Variants in AGAP3 observed in about 807,000 individuals in gnomAD.
AGAP3 encodes ArfGAP with GTPase domain, ankyrin repeat and PH domain 3.
AGAP3 carries 24 observed loss-of-function variants against 96.9 expected under a neutral mutation model. The ratio of observed to expected loss-of-function variants is 0.25; its 90% confidence interval spans 0.18 to 0.35. AGAP3 has a LOEUF of 0.35. AGAP3 is among the 10% of genes least tolerant of loss of function. AGAP3 has a pLI of 1.00. For missense variants in AGAP3, 876 were observed against 1,254.2 expected (o/e 0.70, Z 4.55); for synonymous variants, 563 against 536.1 (o/e 1.05, Z -0.69).
chr7:151,086,480 T>C lies in AGAP3; in HGVS notation c.-262T>C, dbSNP rs1363494050. ...CGCGCGCTCCCGGTCCCGTTGTTGTTGCCGCTGGAGGCTGCTCCGAGGCAG... is the reference window on the plus strand; with the variant it reads ...CGCGCGCTCCCGGTCCCGTTGTTGTCGCCGCTGGAGGCTGCTCCGAGGCAG... On this transcript the variant is annotated 5_prime_UTR_variant, in exon 1 of 18. Transcript: ENST00000397238. Among the ~76,000 whole-genome samples, 2 of 147,510 alleles carry C rather than the reference T, an allele frequency of 1.4e-5. No homozygotes were observed. Among genetic ancestry groups the C allele is most frequent in the Non-Finnish European group, 3.0e-5 (2 of 66,156 alleles).
intron 4 of AGAP3, 29 bp downstream of exon 4, chr7:151,117,485 A>G (rs539634505): frequency 6.2e-7 from 1 of 1,613,858 alleles, no homozygotes; most frequent in African/African-American, 1.3e-5. Context: ...GTTAGGGCCC[A>G]CCGCTGTGCC....
intron 1 of AGAP3, among the ~76,000 whole-genome samples, chr7:151,113,030 G>A (rs749761469): frequency 2.6e-5 from 4 of 152,270 alleles, no homozygotes; most frequent in Middle Eastern, 3.4e-3. Context: ...CACCGCGCCC[G>A]ACCCTTTGCT....
intron 1 of AGAP3, among the ~76,000 whole-genome samples, chr7:151,112,704 T>C (rs1056369011): frequency 6.6e-6 from 1 of 151,994 alleles, no homozygotes; most frequent in African/African-American, 2.4e-5. Context: ...GCTCAAGCGA[T>C]CCTCCCACGT....
chr7:151,137,165 C>T (rs1164424983), intron 11 of AGAP3, among the ~76,000 whole-genome samples: 1 of 152,266 alleles, frequency 6.6e-6, no homozygotes, highest in Non-Finnish European at 1.5e-5. Flanking sequence ...CGCAGGCTTC[C>T]CCTCAGTCCC....
intron 8 of AGAP3, 142 bp from the exon 9 acceptor site, chr7:151,123,652 C>G: frequency 6.7e-7 from 1 of 1,503,392 alleles, no homozygotes; most frequent in Non-Finnish European, 8.9e-7. Flanking sequence ...GGTCTCAGTT[C>G]CTTCCCGTCC....
chr7:151,096,680 G>A lies in AGAP3; in HGVS notation c.331+9608G>A, dbSNP rs1044208421. Among the ~76,000 whole-genome samples the A allele has an allele frequency of 6.6e-6, 1 of 152,056 alleles. No individual in the cohort carries two copies. The highest frequency in any genetic ancestry group is 2.4e-5 in the African/African-American group (1 of 41,408). ...GTAGAGACGAGGTTTCACCGCGTTAGCCAAGGTAGTCTCGATCTCCTGACC... is the reference window on the plus strand; with the variant it reads ...GTAGAGACGAGGTTTCACCGCGTTAACCAAGGTAGTCTCGATCTCCTGACC... On this transcript the variant is annotated intron_variant, in intron 1 of 17. Transcript: ENST00000397238. This position sits in a 1 kb window ranked among gnomAD's most constrained non-coding sequence, Gnocchi z 4.4.
In AGAP3 at chr7:151,142,049, C is replaced by T; in HGVS notation, c.1956C>T (p.Asp652=). The change falls in exon 14 of 18, where the codon GAC becomes GAT. Residue 652 remains aspartate (D), a synonymous_variant. Transcript: ENST00000397238. The surrounding 1 kb of genome is among the most constrained non-coding windows in gnomAD (Gnocchi z 7.5). ...TGCAAGGCTGCCGCAGTGCCAAGGA[C>T]AAGGTGGGTACAGAGTGACTGGGCC... The part of the protein sequence containing the change: ...ASLQGCRSAK[D]KTRLGNQNAA... The T allele has an allele frequency of 1.9e-6, 3 of 1,613,314 alleles. No homozygotes were observed.
In AGAP3 at chr7:151,142,721, G is replaced by A; in HGVS notation, c.2273+87G>A. The A allele has an allele frequency of 2.2e-6, 3 of 1,390,132 alleles. No homozygotes were observed. In the South Asian group the frequency reaches 3.8e-5, roughly 18 times the overall value. 86.1% of individuals were successfully genotyped at this position (1,390,132 alleles called of 1,614,324 possible). On this transcript the variant is annotated intron_variant, in intron 16 of 17. Transcript: ENST00000397238. The surrounding 1 kb of genome is among the most constrained non-coding windows in gnomAD (Gnocchi z 7.5). ...GGGGAAGATTGGAGTGGCTGTGATG[G>A]TATTAGAAGGGTTAAAACTGTCTGT...
rs1449741510 is a variant in AGAP3 at position 151,114,806 on chromosome 7, CG to C, written c.332-1983del. The C allele has an allele frequency of 2.8e-6, 3 of 1,055,712 alleles. No homozygotes were observed. The highest frequency in any genetic ancestry group is 2.3e-6 in the Non-Finnish European group (2 of 876,752). The allele number at this position is 1,055,712 out of a possible 1,614,324, so 65.4% of individuals were successfully genotyped here. A position where few individuals can be genotyped will look rare whatever the true frequency, so the allele number is the denominator to read the frequency against. On this transcript the variant is annotated intron_variant, in intron 1 of 17. Coordinates refer to ENST00000397238, the MANE Select transcript of AGAP3 (RefSeq NM_031946.7). This position sits in a 1 kb window ranked among gnomAD's most constrained non-coding sequence, Gnocchi z 4.4. ...GCTGGCCGCAGGGGGACAGCTGTCC[CG>C]GGGAGCGGCCCGCCGCTTGCCGCCG...
At chr7:151,124,196 G>C (rs1585089648) in intron 9 of AGAP3, among the ~76,000 whole-genome samples, 2 of 152,376 alleles carry the variant, frequency 1.3e-5, no homozygotes, top group African/African-American at 4.8e-5. Flanking sequence ...GTCTGGAGAG[G>C]GTTGAGTGGC....
In AGAP3 at chr7:151,142,927, T is replaced by C. The variant is rs1415916878; in HGVS notation, c.2273+293T>C. The stretch of plus-strand genomic sequence containing the variant: ...GAGCGCCCACTCCGGAGCTCTGAGA[T>C]GGGGAGAATGGGTGAGAGATAGGGG... On this transcript the variant is annotated intron_variant, in intron 16 of 17. Coordinates refer to ENST00000397238, the MANE Select transcript of AGAP3 (RefSeq NM_031946.7). This position sits in a 1 kb window ranked among gnomAD's most constrained non-coding sequence, Gnocchi z 7.5. Among the ~76,000 whole-genome samples, 1 of 152,142 alleles carries C rather than the reference T, an allele frequency of 6.6e-6. No homozygotes were observed. Among genetic ancestry groups the C allele is most frequent in the Non-Finnish European group, 1.5e-5 (1 of 68,012 alleles).
At chr7:151,131,108 G>C (rs1214059391) in intron 10 of AGAP3, 1 of 152,312 alleles carries the variant, frequency 6.6e-6, no homozygotes, top group Non-Finnish European at 1.5e-5. Flanking sequence ...CATCGGGACT[G>C]GTGACTCACC....
At chr7:151,092,112 A>T (rs912874085) in intron 1 of AGAP3, among the ~76,000 whole-genome samples, 27 of 152,194 alleles carry the variant, frequency 1.8e-4, no homozygotes, top group African/African-American at 5.8e-4. Context: ...TTGGTGCGTC[A>T]TTCTGCGAAA....
Position 151,133,220 on chromosome 7 carries a change from G to A in AGAP3, c.1327-1180G>A, listed in dbSNP as rs1206824010. ...CATAGACCCATGGAGAGGAATTTGTGCCACTTTACCAAGGGCATTGGCTAG... is the reference window on the plus strand; with the variant it reads ...CATAGACCCATGGAGAGGAATTTGTACCACTTTACCAAGGGCATTGGCTAG... On this transcript the variant is annotated intron_variant, in intron 10 of 17. Coordinates refer to ENST00000397238, the MANE Select transcript of AGAP3 (RefSeq NM_031946.7). This position sits in a 1 kb window ranked among gnomAD's most constrained non-coding sequence, Gnocchi z 5.4. Among the ~76,000 whole-genome samples the A allele has an allele frequency of 6.6e-6, 1 of 152,222 alleles. No homozygotes were observed. Among genetic ancestry groups the A allele is most frequent in the Non-Finnish European group, 1.5e-5 (1 of 68,036 alleles).
intron 1 of AGAP3, among the ~76,000 whole-genome samples, chr7:151,111,956 A>G (rs980606743): frequency 6.6e-6 from 1 of 152,132 alleles, no homozygotes; most frequent in Non-Finnish European, 1.5e-5. Flanking sequence ...GGTTTGTCCT[A>G]ATTTCCTTCG....
At chr7:151,123,336 A>ACT in intron 8 of AGAP3, 1 of 1,040,066 alleles carries the variant, frequency 9.6e-7, no homozygotes, top group Non-Finnish European at 1.2e-6. Flanking sequence ...CTGTCCATCC[A>ACT]CTGTGCCCCT....
chr7:151,086,283 A>G (rs1401525044), upstream of AGAP3, among the ~76,000 whole-genome samples: 2 of 142,542 alleles, frequency 1.4e-5, no homozygotes, highest in East Asian at 4.1e-4. Context: ...CCAGGGCTGG[A>G]GCGCGCGGCT....
At chr7:151,092,957 TACTATAATTTTCTTCTGCTCCCC>T (rs1798456375) in intron 1 of AGAP3, among the ~76,000 whole-genome samples, 1 of 152,322 alleles carries the variant, frequency 6.6e-6, no homozygotes, top group African/African-American at 2.4e-5. Context: ...TCCTGCTCCC[TACTATAATTTTCTTCTGCTCCCC>T]ACTATAATTT....
intron 1 of AGAP3, among the ~76,000 whole-genome samples, chr7:151,093,000 C>T (rs549941821): frequency 5.9e-5 from 9 of 152,286 alleles, no homozygotes; most frequent in Non-Finnish European, 1.0e-4. Flanking sequence ...TTCTTCTGGA[C>T]GTCTTCAATC....
Sources: allele counts gnomAD v4.1 joint callset (sites outside exome capture counted in the v4.1 genomes callset), GRCh38; gene constraint gnomAD v4.1.1; non-coding constraint Gnocchi (gnomAD v3.1); transcripts MANE v1.5; gene names NCBI Gene and HGNC (gene_info 2026-07-23, HGNC 2026-07-21).